Variants in NFKB1 observed in about 807,000 individuals in gnomAD.
The protein encoded by NFKB1 is nuclear factor NF-kappa-B p105 subunit.
In NFKB1, 9 loss-of-function variants were observed where a neutral mutation model predicts 105.1. That is an observed-to-expected ratio of 0.09 (90% confidence interval 0.05 to 0.15). The LOEUF (loss-of-function observed/expected upper bound fraction) is 0.15. Ranked by LOEUF, NFKB1 falls within the 10% of genes least tolerant of loss-of-function variation. The pLI is 1.00. For synonymous variants in NFKB1, 440 were observed against 442.2 expected (o/e 1.00, Z 0.06); for missense variants, 830 against 1,203.7 (o/e 0.69, Z 4.59).
intron 22 of NFKB1, among the ~76,000 whole-genome samples, chr4:102,613,142 A>C (rs1728582532): frequency 6.6e-6 from 1 of 152,104 alleles, no homozygotes; most frequent in South Asian, 2.1e-4. Flanking sequence ...TGTAGACGTC[A>C]CTGTAGGCAG....
At chr4:102,525,711 A>G (rs1279804627) in intron 2 of NFKB1, among the ~76,000 whole-genome samples, 154 bp downstream of exon 2, 1 of 152,136 alleles carries the variant, frequency 6.6e-6, no homozygotes, top group African/African-American at 2.4e-5. Flanking sequence ...GTGAAGTTGG[A>G]GAGGATATGT....
At chr4:102,507,451 G>A (rs1383617472) in intron 1 of NFKB1, among the ~76,000 whole-genome samples, 2 of 151,544 alleles carry the variant, frequency 1.3e-5, no homozygotes, top group African/African-American at 4.9e-5. Flanking sequence ...CCTTTTTTTT[G>A]TAATTTATTT....
chr4:102,608,723 A>G (rs944943560), intron 19 of NFKB1, among the ~76,000 whole-genome samples: 2 of 152,108 alleles, frequency 1.3e-5, no homozygotes, highest in Admixed American at 1.3e-4. Context: ...CAAAAGACAT[A>G]GGAACTTTTT....
chr4:102,554,262 C>G (rs548963957), intron 5 of NFKB1, among the ~76,000 whole-genome samples: 33 of 152,246 alleles, frequency 2.2e-4, no homozygotes, highest in South Asian at 1.2e-3. Flanking sequence ...ATGTTTTTAT[C>G]TGAAAATTTG....
At chr4:102,550,930 C>G (rs1450022059) in intron 5 of NFKB1, among the ~76,000 whole-genome samples, 2 of 152,058 alleles carry the variant, frequency 1.3e-5, no homozygotes, top group Non-Finnish European at 2.9e-5. Context: ...TCACATCTTT[C>G]ATTTATATGA....
At chr4:102,557,380 C>A (rs1416954667) in intron 5 of NFKB1, among the ~76,000 whole-genome samples, 2 of 152,178 alleles carry the variant, frequency 1.3e-5, no homozygotes, top group East Asian at 3.8e-4. Flanking sequence ...CTCCCAGAGT[C>A]CCCCAGATGG....
At chr4:102,575,986 C>G (rs886823350) in intron 6 of NFKB1, among the ~76,000 whole-genome samples, 1 of 152,102 alleles carries the variant, frequency 6.6e-6, no homozygotes, top group Non-Finnish European at 1.5e-5. Flanking sequence ...TTGGTAAAGT[C>G]CTTTTTTGTT....
intron 4 of NFKB1, among the ~76,000 whole-genome samples, chr4:102,535,400 G>A (rs773353730): frequency 5.3e-5 from 8 of 152,148 alleles, no homozygotes; most frequent in Non-Finnish European, 1.0e-4. Flanking sequence ...GGTTAATGTA[G>A]TTCCAAAATT....
chr4:102,579,089 C>T, intron 8 of NFKB1, 50 bp downstream of exon 8: 2 of 1,568,986 alleles, frequency 1.3e-6, no homozygotes, highest in Non-Finnish European at 8.7e-7. Context: ...GACTTCCAGC[C>T]CTGCCCTGCC....
chr4:102,530,059 C>T (rs1033663416), intron 3 of NFKB1, 145 bp downstream of exon 3: 4 of 624,188 alleles, frequency 6.4e-6, no homozygotes, highest in African/African-American at 1.9e-5. Context: ...TTTTAACATA[C>T]TTTCTTGAAA....
intron 2 of NFKB1, 45 bp from the exon 3 acceptor site, chr4:102,529,791 A>G (rs1741162858): frequency 2.8e-6 from 4 of 1,413,534 alleles, no homozygotes; most frequent in Non-Finnish European, 3.9e-6. Flanking sequence ...TTCATATAAT[A>G]TAGGAAAAAT....
chr4:102,595,085 A>T (rs1012329898), intron 13 of NFKB1, 104 bp downstream of exon 13: 5 of 669,466 alleles, frequency 7.5e-6, no homozygotes, highest in Non-Finnish European at 1.3e-5. Context: ...TCATCTTGAC[A>T]AATAATTGAT....
chr4:102,594,892 G>A lies in NFKB1; in HGVS notation c.1211G>A (p.Gly404Glu). The A allele has an allele frequency of 6.2e-7, 1 of 1,606,312 alleles. No individual in the cohort carries two copies. The highest frequency in any genetic ancestry group is 1.7e-5 in the Admixed American group (1 of 59,812). The change falls in exon 13 of 24, where the codon GGG becomes GAG. Residue 404 changes from glycine (G) to glutamate (E), a missense_variant and splice_region_variant. By Grantham distance (98) the Gly-to-Glu change is moderately conservative. Coordinates refer to ENST00000226574, the MANE Select transcript of NFKB1 (RefSeq NM_003998.4). Reference protein sequence around the residue: ...GGGGTGSTGPGYSFPHYGFPT... With the variant: ...GGGGTGSTGPEYSFPHYGFPT... ...TCATTTGTTTTACTTGCCGTTTCAGGGTATAGCTTCCCACACTATGGATTT... is the reference window on the plus strand; with the variant it reads ...TCATTTGTTTTACTTGCCGTTTCAGAGTATAGCTTCCCACACTATGGATTT...
In NFKB1 at chr4:102,583,271, C is replaced by G. The variant is rs187496873; in HGVS notation, c.927+314C>G. On this transcript the variant is annotated intron_variant, in intron 10 of 23. Coordinates refer to ENST00000226574, the MANE Select transcript of NFKB1 (RefSeq NM_003998.4). The stretch of plus-strand genomic sequence containing the variant: ...AAAATGCTGGGATTATAGGCATGAT[C>G]CATATTACTATCATCATTTTATACT... Among the ~76,000 whole-genome samples the G allele has an allele frequency of 2.6e-5, 4 of 152,186 alleles. No homozygotes were observed. In the East Asian group the frequency reaches 7.7e-4, roughly 29 times the overall value.
At chr4:102,578,284 T>G (rs1187473770) in intron 7 of NFKB1, 3 of 152,460 alleles carry the variant, frequency 2.0e-5, no homozygotes, top group Non-Finnish European at 4.4e-5. Flanking sequence ...TGTAGCTCTC[T>G]TGTAGTACTT....
chr4:102,558,273 T>C (rs1380841497), intron 5 of NFKB1, among the ~76,000 whole-genome samples: 1 of 152,152 alleles, frequency 6.6e-6, no homozygotes, highest in Non-Finnish European at 1.5e-5. Flanking sequence ...CTCCCACTTA[T>C]AAGTGAGAAT....
rs902309865 is a variant in NFKB1 at position 102,580,419 on chromosome 4, G to T, written c.731-116G>T. Reference sequence around the variant, plus strand: ...TGTTTTATTTACTTTGTTAGTGAAAGCATGTATTTAAGCTTTGTTTTGGTC... The same window carrying T: ...TGTTTTATTTACTTTGTTAGTGAAATCATGTATTTAAGCTTTGTTTTGGTC... On this transcript the variant is annotated intron_variant, in intron 8 of 23. Coordinates refer to ENST00000226574, the MANE Select transcript of NFKB1 (RefSeq NM_003998.4). The T allele has an allele frequency of 8.1e-6, 6 of 743,496 alleles. No individual in the cohort carries two copies. In the African/African-American group the frequency reaches 1.1e-4, roughly 13 times the overall value. 46.1% of individuals were successfully genotyped at this position (743,496 alleles called of 1,614,324 possible).
At chr4:102,603,167 G>A (rs1219602862) in intron 16 of NFKB1, among the ~76,000 whole-genome samples, 1 of 152,090 alleles carries the variant, frequency 6.6e-6, no homozygotes, top group East Asian at 1.9e-4. Context: ...CCACCTCCCA[G>A]GTTCAAGCGA....
Position 102,549,182 on chromosome 4 carries a change from C to G in NFKB1, c.258+11226C>G, listed in dbSNP as rs892890327. On this transcript the variant is annotated intron_variant, in intron 5 of 23. Transcript: ENST00000226574. ...TTTGTTATTCTCATGTGTCATTTAT[C>G]GAGTTCTTACTATGTATCTGTTATT... is the stretch of plus-strand genomic sequence containing the variant. Among the ~76,000 whole-genome samples the G allele has an allele frequency of 3.9e-5, 6 of 152,026 alleles. No individual in the cohort carries two copies. In the East Asian group the frequency reaches 1.2e-3, roughly 29 times the overall value.
Sources: gnomAD v4.1 joint callset for allele counts (sites outside exome capture counted in the v4.1 genomes callset) on GRCh38, gnomAD v4.1.1 for gene constraint, MANE v1.5 for transcripts, NCBI Gene and HGNC (gene_info 2026-07-23, HGNC 2026-07-21) for gene names.